The following LRIG3 variants were observed in gnomAD, a reference collection of about 807,000 sequenced individuals.
LRIG3 encodes leucine rich repeats and immunoglobulin like domains 3.
In LRIG3, 76 loss-of-function variants were observed where a neutral mutation model predicts 114.5. The ratio of observed to expected loss-of-function variants is 0.66; its 90% CI spans 0.55 to 0.80. The LOEUF (loss-of-function observed/expected upper bound fraction) is 0.80. LRIG3 is among the 30% of genes least tolerant of loss of function. The pLI is 0.00. For missense variants in LRIG3, 1,239 were observed against 1,382.8 expected (o/e 0.90, Z 1.65); for synonymous variants, 512 against 519.8 (o/e 0.98, Z 0.20).
chr12:58,885,200 G>A (rs1871237538), intron 10 of LRIG3, among the ~76,000 whole-genome samples: 2 of 152,022 alleles, frequency 1.3e-5, no homozygotes, highest in African/African-American at 2.4e-5. Flanking sequence ...GGGTCAAGAC[G>A]AAACAAAAGA....
In LRIG3 at chr12:58,874,438, T is replaced by C. The variant is rs1468909702; in HGVS notation, c.2831A>G (p.Tyr944Cys). The change falls in exon 17 of 19, where the codon TAT (tyrosine) becomes TGT (cysteine). Residue 944 changes from tyrosine (Y) to cysteine (C), a missense_variant. By Grantham distance (194) the Tyr-to-Cys change is radical (BLOSUM62 -2). Transcript: ENST00000320743. ...GCAAGAAAACCACCTACCTGTATGA[T>C]ATGTTTCAAAAGGATCTGAGCCATA... ...NVYGSDPFET[Y>C]HTGCSPDPRT... The C allele has an allele frequency of 1.2e-6, 2 of 1,614,042 alleles. No individual in the cohort carries two copies. Among genetic ancestry groups the C allele is most frequent in the African/African-American group, 2.7e-5 (2 of 74,930 alleles).
intron 1 of LRIG3, chr12:58,919,384 T>C (rs1565626403): frequency 1.9e-6 from 3 of 1,551,298 alleles, no homozygotes; most frequent in Non-Finnish European, 2.6e-6. Flanking sequence ...TTTCCATAGC[T>C]ACCGACCAGT....
At position 58,920,166 on chromosome 12, in the gene LRIG3, C is replaced by G. The variant is rs1372178021; in HGVS notation, c.70G>C (p.Ala24Pro). Residue 24 changes from alanine (A) to proline (P), a missense_variant, in exon 1 of 19, where the codon GCT becomes CCT. Coordinates refer to ENST00000320743, the MANE Select transcript of LRIG3 (RefSeq NM_153377.5). ...GLLLCAVLGRAGRSDSGGRGE... is the reference protein window; with the variant it reads ...GLLLCAVLGRPGRSDSGGRGE... ...CGACCGCCGCTGTCTGACCGGCCAG[C>G]GCGCCCCAGCACCGCGCACAGCAGC... 1 of 1,539,250 alleles carries G rather than the reference C, an allele frequency of 6.5e-7. No individual in the cohort carries two copies. Among genetic ancestry groups the G allele is most frequent in the Admixed American group, 2.0e-5 (1 of 50,888 alleles).
chr12:58,874,487 G>A lies in LRIG3; in HGVS notation c.2782C>T (p.Pro928Ser). 1.2e-6 allele frequency: 2 copies of A among 1,614,116 alleles called. No individual in the cohort carries two copies. The highest frequency in any genetic ancestry group is 1.7e-5 in the Admixed American group (1 of 60,010). ...TACACATTTCCCTTCAAATACATAGGGCCTGTGGATCCCAAAAACGGACAA... is the reference window on the plus strand; with the variant it reads ...TACACATTTCCCTTCAAATACATAGAGCCTGTGGATCCCAAAAACGGACAA... ...FLCPFLGSTG[P>S]MYLKGNVYGS... is the part of the protein sequence containing the mutation. Residue 928 changes from proline (P) to serine (S), a missense_variant, in exon 17 of 19, where the codon CCT (proline) becomes TCT (serine). Physicochemically the swap from Pro to Ser is moderately conservative, Grantham distance 74. Transcript: ENST00000320743.
chr12:58,918,181 C>T (rs1348323941), intron 1 of LRIG3, among the ~76,000 whole-genome samples: 3 of 152,200 alleles, frequency 2.0e-5, no homozygotes, highest in African/African-American at 4.8e-5. Flanking sequence ...CTTATTTTCA[C>T]ATACATTTAA....
chr12:58,883,552 A>G lies in LRIG3; in HGVS notation c.1284T>C (p.Asn428=). ...SDNAIMSLQG[N]AFSQMKKLQQ... ...GCAGTTTCTTCATTTGTGAAAATGC[A>G]TTGCCTTGTAAAGACATGATTGCGT... is the stretch of plus-strand genomic sequence containing the variant. The change falls in exon 11 of 19, where the codon AAT becomes AAC. Residue 428 remains asparagine (N), a synonymous_variant. Coordinates refer to ENST00000320743, the MANE Select transcript of LRIG3 (RefSeq NM_153377.5). The G allele has an allele frequency of 6.5e-7, 1 of 1,548,604 alleles. No individual in the cohort carries two copies. The highest frequency in any genetic ancestry group is 1.3e-5 in the African/African-American group (1 of 74,356).
At chr12:58,883,126 T>C (rs906832449) in intron 11 of LRIG3, 94 bp from the exon 12 acceptor site, 2 of 1,268,256 alleles carry the variant, frequency 1.6e-6, no homozygotes, top group African/African-American at 3.0e-5. Context: ...AGCAATGAAT[T>C]TGGAAACTGA....
At chr12:58,886,947 C>A in intron 8 of LRIG3, 57 bp from the exon 9 acceptor site, 1 of 1,343,176 alleles carries the variant, frequency 7.4e-7, no homozygotes, top group Non-Finnish European at 1.1e-6. Flanking sequence ...CCTAGTATCA[C>A]CACCCAGGTG....
chr12:58,888,304 G>A, intron 7 of LRIG3, 25 bp downstream of exon 7: 1 of 1,606,876 alleles, frequency 6.2e-7, no homozygotes, highest in Non-Finnish European at 8.5e-7. Context: ...TCAAACCTGA[G>A]GAGAATAAAT....
At chr12:58,912,338 T>C (rs1182499302) in intron 3 of LRIG3, among the ~76,000 whole-genome samples, 1 of 151,848 alleles carries the variant, frequency 6.6e-6, no homozygotes, top group Non-Finnish European at 1.5e-5. Flanking sequence ...CTACTAAAAA[T>C]ACAAAAAACT....
chr12:58,873,007 AT>A (rs2120860745), intron 18 of LRIG3, among the ~76,000 whole-genome samples, 191 bp from the exon 19 acceptor site: 1 of 152,336 alleles, frequency 6.6e-6, no homozygotes, highest in South Asian at 2.1e-4. Flanking sequence ...AGCAAAAGAC[AT>A]TTGCCTTCCC....
intron 3 of LRIG3, among the ~76,000 whole-genome samples, chr12:58,898,977 A>T (rs945430208): frequency 6.6e-6 from 1 of 152,184 alleles, no homozygotes. Context: ...TTTTGAAGAC[A>T]CTGCTCATGG....
intron 6 of LRIG3, 41 bp downstream of exon 6, chr12:58,888,778 A>G (rs1324682997): frequency 5.0e-6 from 8 of 1,602,946 alleles, no homozygotes; most frequent in Non-Finnish European, 6.8e-6. Flanking sequence ...GCATTCTATG[A>G]TCATACTACC....
chr12:58,878,887 A>G lies in LRIG3; in HGVS notation c.2020T>C (p.Tyr674His), dbSNP rs139246502. The G allele has an allele frequency of 6.2e-7, 1 of 1,614,114 alleles. No individual in the cohort carries two copies. The highest frequency in any genetic ancestry group is 8.5e-7 in the Non-Finnish European group (1 of 1,180,054). ...GCACTGTTCTGAGCTGTGCAGCTGT[A>G]TACCCCAATGTCCTCTATCTTCACA... ...VDVKIEDIGV[Y>H]SCTAQNSAGS... is the part of the protein sequence containing the mutation. Residue 674 changes from tyrosine to histidine, a missense_variant, in exon 14 of 19, where the codon TAC becomes CAC. Coordinates refer to ENST00000320743, the MANE Select transcript of LRIG3 (RefSeq NM_153377.5).
chr12:58,906,693 A>G (rs1442305929), intron 3 of LRIG3, among the ~76,000 whole-genome samples: 2 of 152,134 alleles, frequency 1.3e-5, no homozygotes, highest in Non-Finnish European at 2.9e-5. Context: ...CCTCGTGGCC[A>G]GTTTCCCTTT....
chr12:58,874,060 A>AGT lies in LRIG3; in HGVS notation c.3109_3110insAC (p.Phe1037TyrfsTer15). ...TGATAACTTAATAAACTTACCCATG[A>AGT]AAGAATTACTCGAGGCAACCGACGC... On this transcript the variant is annotated frameshift_variant, in exon 18 of 19. Coordinates refer to ENST00000320743, the MANE Select transcript of LRIG3 (RefSeq NM_153377.5). LOFTEE classifies it high-confidence loss of function. The AGT allele has an allele frequency of 6.2e-7, 1 of 1,614,182 alleles. No homozygotes were observed. The highest frequency in any genetic ancestry group is 8.5e-7 in the Non-Finnish European group (1 of 1,180,024).
intron 1 of LRIG3, chr12:58,919,559 G>A (rs1872597102): frequency 6.5e-7 from 1 of 1,547,072 alleles, no homozygotes; most frequent in Non-Finnish European, 8.7e-7. Flanking sequence ...GGTGGGAACA[G>A]GAAAAGGAGT....
intron 3 of LRIG3, among the ~76,000 whole-genome samples, chr12:58,905,861 T>C (rs1247743096): frequency 6.6e-6 from 1 of 152,182 alleles, no homozygotes; most frequent in Non-Finnish European, 1.5e-5. Flanking sequence ...CTTCTCAGCC[T>C]CCACAATAAG....
chr12:58,897,394 T>A (rs1425149408), intron 3 of LRIG3, among the ~76,000 whole-genome samples: 3 of 152,090 alleles, frequency 2.0e-5, no homozygotes, highest in Non-Finnish European at 4.4e-5. Flanking sequence ...AATATAGAGG[T>A]CCTGCAATAA....
Sources: allele counts gnomAD v4.1 joint callset (sites outside exome capture counted in the v4.1 genomes callset), GRCh38; gene constraint gnomAD v4.1.1; transcripts MANE v1.5; gene names NCBI Gene and HGNC (gene_info 2026-07-23, HGNC 2026-07-21).